ANKMY1: variants seen among roughly 807,000 people sequenced by gnomAD.
ANKMY1 encodes the protein ankyrin repeat and MYND domain-containing protein 1.
ANKMY1 carries 98 observed loss-of-function variants against 102.0 expected under a neutral mutation model. The ratio of observed to expected loss-of-function variants is 0.96; its 90% CI spans 0.82 to 1.14. The LOEUF (loss-of-function observed/expected upper bound fraction) is 1.14, where lower values mean the gene tolerates loss of function less well. Among genes scored for constraint, ANKMY1 ranks in the 50% most tolerant of loss-of-function variants. The pLI, the probability that ANKMY1 is intolerant of heterozygous loss-of-function variation, is 0.00. For missense variants in ANKMY1, 1,330 were observed against 1,347.6 expected (o/e 0.99, Z 0.20); for synonymous variants, 582 against 559.9 (o/e 1.04, Z -0.56).
intron 9 of ANKMY1, among the ~76,000 whole-genome samples, chr2:240,516,607 C>T (rs895472415): frequency 6.6e-6 from 1 of 152,192 alleles, no homozygotes; most frequent in African/African-American, 2.4e-5. Flanking sequence ...CTATGGCTGT[C>T]CTAAAACTTT....
chr2:240,556,066 T>C (rs1357881348), intron 2 of ANKMY1, among the ~76,000 whole-genome samples: 1 of 152,014 alleles, frequency 6.6e-6, no homozygotes, highest in Non-Finnish European at 1.5e-5. Flanking sequence ...CCCCACATGG[T>C]AGTGAGAGAG....
chr2:240,547,910 T>C (rs1478273253), intron 4 of ANKMY1, among the ~76,000 whole-genome samples: 1 of 152,138 alleles, frequency 6.6e-6, no homozygotes, highest in Non-Finnish European at 1.5e-5. Context: ...CCAGATGGAT[T>C]CACAGCCGAA....
intron 4 of ANKMY1, among the ~76,000 whole-genome samples, chr2:240,533,892 C>T (rs1464346464): frequency 6.6e-6 from 1 of 152,188 alleles, no homozygotes; most frequent in Non-Finnish European, 1.5e-5. Context: ...ATACTGGAGT[C>T]CTTCCGTATC....
intron 4 of ANKMY1, among the ~76,000 whole-genome samples, chr2:240,541,548 G>A (rs905478797): frequency 6.7e-6 from 1 of 148,174 alleles, no homozygotes; most frequent in Non-Finnish European, 1.5e-5. Context: ...TCTCGCCCAG[G>A]CTGGAGTGCA....
At chr2:240,539,520 G>A (rs1008244465) in intron 4 of ANKMY1, among the ~76,000 whole-genome samples, 4 of 152,138 alleles carry the variant, frequency 2.6e-5, no homozygotes, top group South Asian at 2.1e-4. Context: ...AGGAGTCCGC[G>A]GCTTCATTCT....
chr2:240,526,615 A>G (rs10933612), intron 5 of ANKMY1, 170 bp from the exon 6 acceptor site: 1,008,882 of 1,455,438 alleles, frequency 0.69, 351,319 homozygotes, highest in East Asian at 0.85. Context: ...AGCTGCTCAC[A>G]ATCCACTAGG....
chr2:240,530,722 G>A (rs544222506), intron 4 of ANKMY1, among the ~76,000 whole-genome samples: 60 of 152,264 alleles, frequency 3.9e-4, no homozygotes, highest in African/African-American at 1.2e-3. Flanking sequence ...GATCGCCATT[G>A]AAGGGTGTCA....
At chr2:240,560,927 C>A, upstream of ANKMY1, 1 of 1,539,268 alleles carries the variant, frequency 6.5e-7, no homozygotes, top group Non-Finnish European at 8.6e-7. Context: ...TGCTGGCGCA[C>A]CTGGAGCCCA....
At position 240,520,802 on chromosome 2, in the gene ANKMY1, A is replaced by G. The variant is rs2082083112; in HGVS notation, c.1833-269T>C. 6.6e-6 allele frequency among the ~76,000 whole-genome samples: 1 copy of G among 151,088 alleles called. No individual in the cohort carries two copies. Among genetic ancestry groups the G allele is most frequent in the African/African-American group, 2.4e-5 (1 of 41,096 alleles). On this transcript the variant is annotated intron_variant, in intron 8 of 17. Coordinates refer to ENST00000401804, the MANE Select transcript of ANKMY1 (RefSeq NM_001282771.3). This position sits in a 1 kb window ranked among gnomAD's most constrained non-coding sequence, Gnocchi z 4.8. The stretch of plus-strand genomic sequence containing the variant: ...CAACCACACCCACAGCACACCACAC[A>G]GTACACACAGCACACAACCCCACAC...
At chr2:240,480,084 C>T (rs886440195) in intron 17 of ANKMY1, among the ~76,000 whole-genome samples, 8 of 152,126 alleles carry the variant, frequency 5.3e-5, no homozygotes, top group African/African-American at 1.7e-4. Context: ...CCCAGCTACT[C>T]GGGAGGCTGA....
chr2:240,471,260 CTTTT>C, the ANKMY1 span, among the ~76,000 whole-genome samples: 1 of 136,136 alleles, frequency 7.3e-6, no homozygotes, highest in Non-Finnish European at 1.6e-5. Context: ...AACTCAAATT[CTTTT>C]TTTTTTTTTT....
intron 11 of ANKMY1, among the ~76,000 whole-genome samples, chr2:240,510,126 T>G (rs1437919485): frequency 1.1e-5 from 1 of 87,902 alleles, no homozygotes; most frequent in Non-Finnish European, 2.2e-5. Context: ...CTTCCCATCC[T>G]TGCCCTCCCT....
rs184449959 is a variant in ANKMY1 at position 240,479,476 on chromosome 2, C to T, written c.*133G>A. The T allele has an allele frequency of 6.2e-5, 69 of 1,110,800 alleles. No homozygotes were observed. In the East Asian group the frequency reaches 1.5e-3, roughly 24 times the overall value. The allele number at this position is 1,110,800 out of a possible 1,614,324, so 68.8% of individuals were successfully genotyped here. On this transcript the variant is annotated 3_prime_UTR_variant, in exon 18 of 18. Transcript: ENST00000401804. ...TTATTGCGAGGTCGCAAGGGAGACA[C>T]TGCTACAAAGCATGACCCCAAAGGT...
the ANKMY1 span, among the ~76,000 whole-genome samples, chr2:240,470,929 TG>T: frequency 6.6e-6 from 1 of 152,034 alleles, no homozygotes; most frequent in East Asian, 1.9e-4. Context: ...GGGAGAGTGG[TG>T]TATCAGGCAC....
chr2:240,492,644 G>T (rs1233408919), intron 15 of ANKMY1, among the ~76,000 whole-genome samples: 1 of 151,912 alleles, frequency 6.6e-6, no homozygotes, highest in Non-Finnish European at 1.5e-5. Context: ...TGTATTGTTT[G>T]TTCAGTATTC....
In ANKMY1 at chr2:240,500,573, G is replaced by A. The variant is rs375721015; in HGVS notation, c.2527-8C>T. On this transcript the variant is annotated splice_polypyrimidine_tract_variant and splice_region_variant and intron_variant, in intron 13 of 17. Coordinates refer to ENST00000401804, the MANE Select transcript of ANKMY1 (RefSeq NM_001282771.3). The stretch of plus-strand genomic sequence containing the variant: ...ACTGATGAGTCGGTCAATCTGTGGA[G>A]AACAGAACCAGGTCAAACACGCAAG... 6.2e-5 allele frequency: 100 copies of A among 1,612,406 alleles called. No homozygotes were observed. Among genetic ancestry groups the A allele is most frequent in the Non-Finnish European group, 7.8e-5 (92 of 1,178,824 alleles).
intron 1 of ANKMY1, 76 bp from the exon 2 acceptor site, chr2:240,557,428 C>A (rs1378860448): frequency 7.2e-7 from 1 of 1,395,878 alleles, no homozygotes; most frequent in Non-Finnish European, 9.4e-7. Flanking sequence ...GAGGCCCGGC[C>A]CGCGGCCCCT....
In ANKMY1 at chr2:240,529,054, C is replaced by T. The variant is rs1222000246; in HGVS notation, c.936G>A (p.Lys312=). 3 of 1,613,996 alleles carry T rather than the reference C, an allele frequency of 1.9e-6. No individual in the cohort carries two copies. The highest frequency in any genetic ancestry group is 2.5e-6 in the Non-Finnish European group (3 of 1,180,010). Residue 312 remains lysine (K), a synonymous_variant, in exon 5 of 18, where the codon AAG becomes AAA. Coordinates refer to ENST00000401804, the MANE Select transcript of ANKMY1 (RefSeq NM_001282771.3). The surrounding 1 kb of genome is among the most constrained non-coding windows in gnomAD (Gnocchi z 4.2). ...CTAGTCACCTGAACTTGTAAGTTTG[C>T]TTCTGGATTTTGACCAACAAAGGGG... The part of the protein sequence containing the change: ...NETPLLVKIQ[K]QTYKFRNKPA...
intron 4 of ANKMY1, among the ~76,000 whole-genome samples, chr2:240,542,496 T>G (rs1167827667): frequency 2.0e-5 from 3 of 148,348 alleles, no homozygotes; most frequent in African/African-American, 7.5e-5. Flanking sequence ...AGACCGAGAC[T>G]CCGTCTCAAA....
Sources: allele counts gnomAD v4.1 joint callset (sites outside exome capture counted in the v4.1 genomes callset), GRCh38; gene constraint gnomAD v4.1.1; non-coding constraint Gnocchi (gnomAD v3.1); transcripts MANE v1.5; gene names NCBI Gene and HGNC (gene_info 2026-07-23, HGNC 2026-07-21).